Variants in JARID2 observed in about 807,000 individuals in gnomAD.
The protein encoded by JARID2 is protein Jumonji.
A neutral mutation model predicts 125.6 loss-of-function variants in JARID2; 21 were observed. The observed-to-expected ratio is 0.17, with a 90% CI of 0.12 to 0.24. The LOEUF (loss-of-function observed/expected upper bound fraction) is 0.24. Among genes scored for constraint, JARID2 ranks in the 10% least tolerant of loss-of-function variants. JARID2 has a pLI of 1.00. For synonymous variants in JARID2, 736 were observed against 661.6 expected (o/e 1.11, Z -1.73); for missense variants, 1,303 against 1,639.6 (o/e 0.79, Z 3.55).
intron 1 of JARID2, among the ~76,000 whole-genome samples, chr6:15,311,973 A>G (rs918913409): frequency 8.5e-5 from 13 of 152,206 alleles, no homozygotes; most frequent in South Asian, 2.1e-4. Context: ...AGAGAAATCA[A>G]TTTAACCTAA....
At chr6:15,482,647 T>G (rs1769677081) in intron 5 of JARID2, among the ~76,000 whole-genome samples, 1 of 152,226 alleles carries the variant, frequency 6.6e-6, no homozygotes, top group African/African-American at 2.4e-5. Flanking sequence ...TTGGTTGATG[T>G]ATATGAAGAA....
At chr6:15,296,435 G>A (rs1761417854) in intron 1 of JARID2, among the ~76,000 whole-genome samples, 2 of 152,036 alleles carry the variant, frequency 1.3e-5, no homozygotes, top group Non-Finnish European at 2.9e-5. Context: ...TATGTTTTAC[G>A]AGTGGTTTTT....
intron 1 of JARID2, among the ~76,000 whole-genome samples, chr6:15,291,859 C>A (rs1021852235): frequency 6.6e-6 from 1 of 152,034 alleles, no homozygotes; most frequent in Non-Finnish European, 1.5e-5. Flanking sequence ...ACTGTATATA[C>A]AATTTTTGTT....
chr6:15,475,566 A>G (rs1165734070), intron 5 of JARID2, among the ~76,000 whole-genome samples: 1 of 152,216 alleles, frequency 6.6e-6, no homozygotes, highest in African/African-American at 2.4e-5. Context: ...GCCATGAGAC[A>G]AGGCACCTGA....
Position 15,288,040 on chromosome 6 carries a change from G to A in JARID2, c.45+41456G>A, listed in dbSNP as rs1319516167. 2.0e-5 allele frequency among the ~76,000 whole-genome samples: 3 copies of A among 152,320 alleles called. No individual in the cohort carries two copies. The East Asian group carries it at 5.8e-4, about 29-fold the overall frequency. ...GAACAAAGCTTGTGAGAAAAGCTCAGGAGGTGTGACAGTCCCAAAGAGTGA... is the reference window on the plus strand; with the variant it reads ...GAACAAAGCTTGTGAGAAAAGCTCAAGAGGTGTGACAGTCCCAAAGAGTGA... On this transcript the variant is annotated intron_variant, in intron 1 of 17. Coordinates refer to ENST00000341776, the MANE Select transcript of JARID2 (RefSeq NM_004973.4).
intron 8 of JARID2, 113 bp downstream of exon 8, chr6:15,501,522 T>G (rs1581653312): frequency 2.8e-6 from 3 of 1,058,834 alleles, no homozygotes; most frequent in African/African-American, 1.6e-5. Flanking sequence ...CCTGGGGTGA[T>G]GAGGGGGCGG....
At position 15,496,507 on chromosome 6, in the gene JARID2, C is replaced by T. The variant is rs536409098; in HGVS notation, c.1282C>T (p.Arg428Trp). The T allele has an allele frequency of 1.1e-5, 18 of 1,599,656 alleles. No individual in the cohort carries two copies. The highest frequency in any genetic ancestry group is 2.2e-5 in the East Asian group (1 of 44,682). Residue 428 changes from arginine (R) to tryptophan (W), a missense_variant, in exon 7 of 18, where the codon CGG becomes TGG. Physicochemically the swap from Arg to Trp is moderately radical, Grantham distance 101 (BLOSUM62 -3). Coordinates refer to ENST00000341776, the MANE Select transcript of JARID2 (RefSeq NM_004973.4). ...TAAGGAGGTGGGGGGGCGGCAGCTG[C>T]GGGAGGGCCTGCAGCTGCGGGAGGG... The part of the protein sequence containing the change: ...CTKEVGGRQL[R>W]EGLQLREGLR...
rs1219855723 is a variant in JARID2 at position 15,466,867 on chromosome 6, A to G, written c.494-1675A>G. Among the ~76,000 whole-genome samples, 8 of 152,138 alleles carry G rather than the reference A, an allele frequency of 5.3e-5. 1 individual carries two copies. The highest frequency in any genetic ancestry group is 1.2e-4 in the Non-Finnish European group (8 of 68,024). The stretch of plus-strand genomic sequence containing the variant: ...CTCCCTCTTCTATTTGATTTTCCCC[A>G]AAGTCTGTGTCAGGTTTAAGAACCT... On this transcript the variant is annotated intron_variant, in intron 4 of 17. Coordinates refer to ENST00000341776, the MANE Select transcript of JARID2 (RefSeq NM_004973.4).
At chr6:15,354,589 C>T (rs565758500) in intron 1 of JARID2, among the ~76,000 whole-genome samples, 1 of 152,260 alleles carries the variant, frequency 6.6e-6, no homozygotes, top group South Asian at 2.1e-4. Flanking sequence ...ACACAGCAGA[C>T]ATTCAAGCAC....
intron 2 of JARID2, among the ~76,000 whole-genome samples, chr6:15,383,231 G>A (rs925259875): frequency 1.3e-5 from 2 of 151,830 alleles, no homozygotes; most frequent in Admixed American, 6.6e-5. Flanking sequence ...AAACCCCTGG[G>A]CTTAAGCAGT....
At chr6:15,325,714 A>G (rs564385351) in intron 1 of JARID2, among the ~76,000 whole-genome samples, 5 of 152,272 alleles carry the variant, frequency 3.3e-5, no homozygotes, top group African/African-American at 1.2e-4. Flanking sequence ...GGATCCCTAG[A>G]TCATAGTCCC....
At chr6:15,473,786 A>C (rs1769209392) in intron 5 of JARID2, among the ~76,000 whole-genome samples, 1 of 152,178 alleles carries the variant, frequency 6.6e-6, no homozygotes, top group African/African-American at 2.4e-5. Flanking sequence ...CATGGCTTGA[A>C]TGGCCTTGGA....
chr6:15,463,060 TATCTG>T (rs1395889165), intron 4 of JARID2, among the ~76,000 whole-genome samples: 2 of 152,026 alleles, frequency 1.3e-5, no homozygotes, highest in Non-Finnish European at 2.9e-5. Context: ...TGATTGCTCT[TATCTG>T]ATCCAAGTTC....
Position 15,497,152 on chromosome 6 carries a change from G to T in JARID2, c.1927G>T (p.Asp643Tyr). The change falls in exon 7 of 18, where the codon GAC becomes TAC. Residue 643 changes from aspartate to tyrosine, a missense_variant. Coordinates refer to ENST00000341776, the MANE Select transcript of JARID2 (RefSeq NM_004973.4). ...CCTCAAATCTCAGGGCATCACCATGGACGAGCTCCCGCTCATAGGTAGGTC... is the reference window on the plus strand; with the variant it reads ...CCTCAAATCTCAGGGCATCACCATGTACGAGCTCCCGCTCATAGGTAGGTC... ...KHLKSQGITM[D>Y]ELPLIGGCEL... 1 of 1,550,850 alleles carries T rather than the reference G, an allele frequency of 6.4e-7. No homozygotes were observed. The highest frequency in any genetic ancestry group is 8.7e-7 in the Non-Finnish European group (1 of 1,146,766).
intron 2 of JARID2, among the ~76,000 whole-genome samples, chr6:15,380,478 C>T (rs1190507834): frequency 1.3e-5 from 2 of 152,162 alleles, no homozygotes; most frequent in African/African-American, 4.8e-5. Context: ...TGGTTTCCTC[C>T]TCTCTTCAGT....
At position 15,346,986 on chromosome 6, in the gene JARID2, A is replaced by G. The variant is rs182943729; in HGVS notation, c.46-27131A>G. ...CCTGACCTTGTGATCTGCCTGCCTCAGCCTCCCAAAGTGCCGGGATTACAG... is the reference window on the plus strand; with the variant it reads ...CCTGACCTTGTGATCTGCCTGCCTCGGCCTCCCAAAGTGCCGGGATTACAG... On this transcript the variant is annotated intron_variant, in intron 1 of 17. Transcript: ENST00000341776. Among the ~76,000 whole-genome samples, 287 of 152,200 alleles carry G rather than the reference A, an allele frequency of 1.9e-3. 1 individual carries two copies. Among genetic ancestry groups the G allele is most frequent in the South Asian group, 2.5e-3 (12 of 4,816 alleles).
At chr6:15,512,094 A>G in intron 13 of JARID2, 114 bp from the exon 14 acceptor site, 1 of 852,354 alleles carries the variant, frequency 1.2e-6, no homozygotes, top group Non-Finnish European at 1.8e-6. Context: ...TTTCCACATA[A>G]AACAATCTTA....
chr6:15,328,468 T>A (rs1484057795), intron 1 of JARID2, among the ~76,000 whole-genome samples: 1 of 152,192 alleles, frequency 6.6e-6, no homozygotes, highest in Non-Finnish European at 1.5e-5. Flanking sequence ...AAATCGAAGG[T>A]AATAGAAAAA....
At chr6:15,263,616 AGAGTCTCACTTT>A (rs1759970658) in intron 1 of JARID2, among the ~76,000 whole-genome samples, 1 of 143,274 alleles carries the variant, frequency 7.0e-6, no homozygotes, top group African/African-American at 2.6e-5. Context: ...TTTTTGAGAC[AGAGTCTCACTTT>A]GTCGCCCAGG....
Sources: gnomAD v4.1 joint callset for allele counts (sites outside exome capture counted in the v4.1 genomes callset) on GRCh38, gnomAD v4.1.1 for gene constraint, MANE v1.5 for transcripts, NCBI Gene and HGNC (gene_info 2026-07-23, HGNC 2026-07-21) for gene names.